Variants in MYO16 observed in about 807,000 individuals in gnomAD.
MYO16 encodes the protein myosin XVI.
MYO16 carries 94 observed loss-of-function variants against 205.3 expected under a neutral mutation model. The ratio of observed to expected loss-of-function variants is 0.46; its 90% CI spans 0.39 to 0.54. MYO16 has a LOEUF of 0.54. MYO16 is among the 20% of genes least tolerant of loss of function. The probability of loss-of-function intolerance (pLI) is 0.00; values close to 1 mark genes in which losing one functional copy is unlikely to be tolerated. For synonymous variants in MYO16, 988 were observed against 954.0 expected (o/e 1.04, Z -0.66); for missense variants, 2,315 against 2,387.5 (o/e 0.97, Z 0.63).
At chr13:108,972,107 T>C (rs4771622) in intron 20 of MYO16, among the ~76,000 whole-genome samples, 120,760 of 144,062 alleles carry the variant, frequency 0.84, 50,676 homozygotes, top group Middle Eastern at 0.91. Context: ...ACTTGGGAAC[T>C]GCTGAGGTGG....
chr13:108,849,382 G>C (rs1400036411), intron 10 of MYO16, among the ~76,000 whole-genome samples: 2 of 152,036 alleles, frequency 1.3e-5, no homozygotes, highest in African/African-American at 4.8e-5. Context: ...GTAGAGACAG[G>C]GTTTCACCAC....
chr13:108,747,924 C>T (rs7989077), intron 4 of MYO16, among the ~76,000 whole-genome samples: 4,949 of 151,872 alleles, frequency 0.033, 255 homozygotes, highest in African/African-American at 0.11. Context: ...ACTTCATTAC[C>T]CTTTTTTCAG....
chr13:109,128,025 T>G (rs776511132), intron 31 of MYO16, among the ~76,000 whole-genome samples: 11 of 152,364 alleles, frequency 7.2e-5, no homozygotes, highest in Non-Finnish European at 1.6e-4. Flanking sequence ...TAAAAGTTTC[T>G]GCATCCATTG....
At chr13:108,587,077 G>A in the MYO16 span, among the ~76,000 whole-genome samples, 1 of 152,194 alleles carries the variant, frequency 6.6e-6, no homozygotes, top group African/African-American at 2.4e-5. Flanking sequence ...TGGGAGATCA[G>A]CCTCAAATCC....
chr13:109,200,840 C>T (rs2008171), intron 34 of MYO16, among the ~76,000 whole-genome samples: 4,564 of 152,108 alleles, frequency 0.03, 216 homozygotes, highest in African/African-American at 0.1. Context: ...AGCAGAGGGT[C>T]ACATCTAGTA....
chr13:108,963,706 C>G (rs1486697772), intron 19 of MYO16, among the ~76,000 whole-genome samples: 1 of 152,248 alleles, frequency 6.6e-6, no homozygotes, highest in African/African-American at 2.4e-5. Context: ...TCCAGCCACA[C>G]TAAGCATCTT....
intron 32 of MYO16, among the ~76,000 whole-genome samples, chr13:109,153,228 A>G (rs1255008351): frequency 1.3e-5 from 2 of 152,320 alleles, no homozygotes; most frequent in East Asian, 3.9e-4. Context: ...GGGAGGATTT[A>G]TACGGGCAAA....
chr13:108,527,503 T>C, the MYO16 span, among the ~76,000 whole-genome samples: 8 of 152,324 alleles, frequency 5.3e-5, 1 homozygote, highest in South Asian at 1.7e-3. Context: ...GCTTCAGTTA[T>C]AGTTTATTGT....
intron 23 of MYO16, among the ~76,000 whole-genome samples, chr13:109,020,507 C>T (rs1434291759): frequency 6.6e-6 from 1 of 152,148 alleles, no homozygotes; most frequent in Non-Finnish European, 1.5e-5. Context: ...CTCCCCTGTG[C>T]AAGATCTCTG....
At chr13:109,181,247 C>CT (rs1271690319) in intron 34 of MYO16, among the ~76,000 whole-genome samples, 1 of 152,232 alleles carries the variant, frequency 6.6e-6, no homozygotes, top group East Asian at 1.9e-4. Context: ...GGGGCACATT[C>CT]TTTTTCTCAA....
chr13:108,623,451 A>G (rs537386532), intron 1 of MYO16, among the ~76,000 whole-genome samples: 1 of 152,186 alleles, frequency 6.6e-6, no homozygotes, highest in South Asian at 2.1e-4. Context: ...AAGAAAGTCA[A>G]ACTTGCAGCC....
intron 33 of MYO16, among the ~76,000 whole-genome samples, chr13:109,178,183 A>G (rs1879295949): frequency 6.6e-6 from 1 of 152,036 alleles, no homozygotes; most frequent in African/African-American, 2.4e-5. Flanking sequence ...CTGTGATTGG[A>G]GCCTTTCCTG....
At chr13:109,018,992 C>A (rs1885930106) in intron 22 of MYO16, among the ~76,000 whole-genome samples, 1 of 144,552 alleles carries the variant, frequency 6.9e-6, no homozygotes, top group Non-Finnish European at 1.5e-5. Flanking sequence ...TTTTTTGAGG[C>A]AGGGTTGCGT....
At chr13:108,829,786 C>A (rs557231155) in intron 9 of MYO16, among the ~76,000 whole-genome samples, 1 of 152,202 alleles carries the variant, frequency 6.6e-6, no homozygotes, top group Admixed American at 6.5e-5. Context: ...AGGCAGTGTG[C>A]CCCTTTTGAC....
rs373993812 is a variant in MYO16 at position 108,785,794 on chromosome 13, A to C, written c.616+51A>C. On this transcript the variant is annotated intron_variant, in intron 5 of 34. Coordinates refer to ENST00000457511, the MANE Select transcript of MYO16 (RefSeq NM_001198950.3). ...GAAAAAAATAGATTGGGAGAATTGT[A>C]AGTGTGTATTCATTTTCACAGGTTT... is the stretch of plus-strand genomic sequence containing the variant. The C allele has an allele frequency of 4.3e-4, 511 of 1,180,336 alleles. 2 individuals carry two copies. The highest frequency in any genetic ancestry group is 6.9e-4 in the South Asian group (52 of 75,434). 73.1% of individuals were successfully genotyped at this position (1,180,336 alleles called of 1,614,324 possible).
chr13:109,125,041 G>A lies in MYO16; in HGVS notation c.3536-71G>A. ...AACTGCTCAGAGATAAGTATATTAT[G>A]ATTTTTGTTTGTGCATGTCTGAGTT... On this transcript the variant is annotated intron_variant, in intron 29 of 34. Coordinates refer to ENST00000457511, the MANE Select transcript of MYO16 (RefSeq NM_001198950.3). The surrounding 1 kb of genome is among the most constrained non-coding windows in gnomAD (Gnocchi z 4.0). 2.7e-6 allele frequency: 4 copies of A among 1,496,084 alleles called. No individual in the cohort carries two copies. In the Admixed American group the frequency reaches 5.6e-5, roughly 21 times the overall value. 92.7% of individuals were successfully genotyped at this position (1,496,084 alleles called of 1,614,324 possible).
At chr13:108,630,488 T>C in intron 1 of MYO16, among the ~76,000 whole-genome samples, 1 of 152,226 alleles carries the variant, frequency 6.6e-6, no homozygotes, top group East Asian at 1.9e-4. Flanking sequence ...AGGGTTTCTT[T>C]AGCGTCTGAA....
chr13:108,741,224 C>G (rs757674071), intron 4 of MYO16, among the ~76,000 whole-genome samples: 34 of 152,196 alleles, frequency 2.2e-4, no homozygotes, highest in Non-Finnish European at 4.1e-4. Context: ...TTCTGCGTCG[C>G]TCACGCTGGG....
chr13:108,842,527 G>T (rs1433126178), intron 9 of MYO16, among the ~76,000 whole-genome samples: 1 of 152,032 alleles, frequency 6.6e-6, no homozygotes, highest in African/African-American at 2.4e-5. Context: ...CAACATCAGA[G>T]AAATTTAAAT....
Sources: gnomAD v4.1 joint callset for allele counts (sites outside exome capture counted in the v4.1 genomes callset) on GRCh38, gnomAD v4.1.1 for gene constraint, Gnocchi (gnomAD v3.1) non-coding constraint, MANE v1.5 for transcripts, NCBI Gene and HGNC (gene_info 2026-07-23, HGNC 2026-07-21) for gene names.